Variants in DYNC2I1 observed in about 807,000 individuals in gnomAD.
DYNC2I1 encodes cytoplasmic dynein 2 intermediate chain 1.
A neutral mutation model predicts 133.4 loss-of-function variants in DYNC2I1; 89 were observed. That is an observed-to-expected ratio of 0.67 (90% CI 0.56 to 0.80). The LOEUF (loss-of-function observed/expected upper bound fraction) is 0.80. Ranked by LOEUF, DYNC2I1 falls within the 30% of genes least tolerant of loss-of-function variation. DYNC2I1 has a pLI of 0.00. For synonymous variants in DYNC2I1, 504 were observed against 484.3 expected (o/e 1.04, Z -0.54); for missense variants, 1,291 against 1,314.5 (o/e 0.98, Z 0.28).
the DYNC2I1 span, among the ~76,000 whole-genome samples, chr7:158,843,622 C>T: frequency 6.6e-6 from 1 of 152,104 alleles, no homozygotes; most frequent in Non-Finnish European, 1.5e-5. Flanking sequence ...TCACAAACTC[C>T]TGACCTCAAG....
At chr7:158,915,217 G>C (rs1422226536) in intron 14 of DYNC2I1, among the ~76,000 whole-genome samples, 2 of 151,660 alleles carry the variant, frequency 1.3e-5, no homozygotes, top group Non-Finnish European at 2.9e-5. Flanking sequence ...TGACATTAAG[G>C]ATGACTGTGA....
At chr7:158,957,788 G>A (rs780015363), downstream of DYNC2I1, among the ~76,000 whole-genome samples, 6 of 152,172 alleles carry the variant, frequency 3.9e-5, no homozygotes, top group Non-Finnish European at 7.3e-5. Context: ...GCGCTCCTAG[G>A]GAAAGAGCAG....
At chr7:158,902,640 C>G (rs1366318103) in intron 10 of DYNC2I1, 45 bp downstream of exon 10, 2 of 1,565,778 alleles carry the variant, frequency 1.3e-6, no homozygotes, top group Non-Finnish European at 1.7e-6. Flanking sequence ...TCTTAGGGCT[C>G]TGTGTACTGA....
At chr7:158,951,165 A>G (rs1852042982), downstream of DYNC2I1, among the ~76,000 whole-genome samples, 1 of 152,216 alleles carries the variant, frequency 6.6e-6, no homozygotes, top group South Asian at 2.1e-4. Flanking sequence ...TCTCTTGGGA[A>G]TGTGGTTTTA....
chr7:158,921,886 C>T (rs1849134314), intron 15 of DYNC2I1, among the ~76,000 whole-genome samples: 1 of 152,252 alleles, frequency 6.6e-6, no homozygotes, highest in Non-Finnish European at 1.5e-5. Context: ...GCAGTGGCAA[C>T]AGTAACGCCT....
intron 21 of DYNC2I1, 144 bp downstream of exon 21, chr7:158,930,659 C>G (rs1458921297): frequency 1.4e-6 from 1 of 701,976 alleles, no homozygotes; most frequent in African/African-American, 1.8e-5. Context: ...TTTTGTTAGT[C>G]TATTATTTTT....
At chr7:158,873,724 A>G (rs1843082722) in intron 3 of DYNC2I1, among the ~76,000 whole-genome samples, 1 of 152,114 alleles carries the variant, frequency 6.6e-6, no homozygotes. Flanking sequence ...ACTGAGTAGC[A>G]GAGTCTCCAG....
chr7:158,946,424 C>T (rs1276178543), downstream of DYNC2I1, among the ~76,000 whole-genome samples: 1 of 152,246 alleles, frequency 6.6e-6, no homozygotes, highest in East Asian at 1.9e-4. Flanking sequence ...CAACAGAAAT[C>T]TGCACCTCCT....
chr7:158,839,981 G>GAA, the DYNC2I1 span, among the ~76,000 whole-genome samples: 3 of 148,678 alleles, frequency 2.0e-5, no homozygotes, highest in Non-Finnish European at 4.5e-5. Flanking sequence ...CCGGCTAATT[G>GAA]AAAAAAAAAA....
intron 1 of DYNC2I1, among the ~76,000 whole-genome samples, chr7:158,860,213 G>A (rs571699550): frequency 1.4e-4 from 21 of 152,098 alleles, no homozygotes; most frequent in African/African-American, 4.8e-4. Flanking sequence ...GCACCACTAT[G>A]CTGGGCTAAT....
At chr7:158,934,044 T>C (rs1850495821) in intron 21 of DYNC2I1, 85 bp from the exon 22 acceptor site, 1 of 908,364 alleles carries the variant, frequency 1.1e-6, no homozygotes, top group Admixed American at 2.4e-5. Flanking sequence ...ATCGATGTAT[T>C]GTAGTGCAAA....
Position 158,871,344 on chromosome 7 carries a change from AGAG to A in DYNC2I1, c.276_278del (p.Arg94del). 1 of 1,554,206 alleles carries A rather than the reference AGAG, an allele frequency of 6.4e-7. No homozygotes were observed. Among genetic ancestry groups the A allele is most frequent in the Non-Finnish European group, 8.7e-7 (1 of 1,148,300 alleles). ...GAGAGGGACAGAGACAGACAGAGGG[AGAG>A]GAGAAGAGACGCAAAAGACCGGGAG... is the stretch of plus-strand genomic sequence containing the variant. On this transcript the variant is annotated inframe_deletion, in exon 3 of 25. Transcript: ENST00000407559.
downstream of DYNC2I1, among the ~76,000 whole-genome samples, chr7:158,957,736 A>G (rs1161136601): frequency 1.3e-5 from 2 of 152,078 alleles, no homozygotes; most frequent in African/African-American, 2.4e-5. Flanking sequence ...CGGGGAGCAA[A>G]TGCACTCGGC....
At chr7:158,882,054 G>C (rs1245872994) in intron 5 of DYNC2I1, among the ~76,000 whole-genome samples, 2 of 152,164 alleles carry the variant, frequency 1.3e-5, no homozygotes, top group Admixed American at 1.3e-4. Context: ...GGTCGATGAA[G>C]AACATTATCC....
the DYNC2I1 span, among the ~76,000 whole-genome samples, chr7:158,841,164 T>A: frequency 4.9e-3 from 2 of 412 alleles, no homozygotes; most frequent in African/African-American, 9.3e-3. Flanking sequence ...TGCAAATATA[T>A]ATATATATAT....
intron 8 of DYNC2I1, among the ~76,000 whole-genome samples, chr7:158,898,694 A>G (rs1454216185): frequency 6.6e-6 from 1 of 152,200 alleles, no homozygotes; most frequent in Non-Finnish European, 1.5e-5. Context: ...ATTGATGTTC[A>G]AAGTAATTAT....
chr7:158,872,619 T>A (rs1411308754), intron 3 of DYNC2I1, among the ~76,000 whole-genome samples: 4 of 151,702 alleles, frequency 2.6e-5, no homozygotes, highest in Non-Finnish European at 1.5e-5. Context: ...AGAGCGAGAC[T>A]CTGTCTCTAA....
At chr7:158,912,937 C>A in intron 12 of DYNC2I1, 48 bp from the exon 13 acceptor site, 2 of 1,340,924 alleles carry the variant, frequency 1.5e-6, no homozygotes, top group Non-Finnish European at 2.1e-6. Flanking sequence ...TGACAGATTG[C>A]TCCGAAATTG....
the DYNC2I1 span, among the ~76,000 whole-genome samples, chr7:158,848,742 G>A: frequency 6.6e-6 from 1 of 152,268 alleles, no homozygotes; most frequent in South Asian, 2.1e-4. Context: ...GGCTAACACG[G>A]TGAAACCCCA....
Sources: allele counts gnomAD v4.1 joint callset (sites outside exome capture counted in the v4.1 genomes callset), GRCh38; gene constraint gnomAD v4.1.1; transcripts MANE v1.5; gene names NCBI Gene and HGNC (gene_info 2026-07-23, HGNC 2026-07-21).